PLD5: variants seen among roughly 807,000 people sequenced by gnomAD.
The protein encoded by PLD5 is inactive phospholipase D5.
Under a neutral mutation model 61.1 loss-of-function variants are expected in PLD5, and 36 were observed. The ratio of observed to expected loss-of-function variants is 0.59; its 90% confidence interval spans 0.45 to 0.78. The LOEUF is 0.78. Ranked by LOEUF, PLD5 falls within the 30% of genes least tolerant of loss-of-function variation. The pLI, the probability that PLD5 is intolerant of heterozygous loss-of-function variation, is 0.00. For missense variants in PLD5, 515 were observed against 644.4 expected (o/e 0.80, Z 2.17); for synonymous variants, 243 against 242.8 (o/e 1.00, Z -0.01).
At chr1:242,509,067 C>G (rs557224154) in intron 1 of PLD5, among the ~76,000 whole-genome samples, 24 of 151,914 alleles carry the variant, frequency 1.6e-4, no homozygotes, top group African/African-American at 5.8e-4. Flanking sequence ...GGTGACAGAG[C>G]AAGACTCCGT....
intron 1 of PLD5, among the ~76,000 whole-genome samples, chr1:242,388,906 G>C (rs1461202784): frequency 6.6e-6 from 1 of 152,110 alleles, no homozygotes; most frequent in African/African-American, 2.4e-5. Context: ...AGTGAGCTGA[G>C]ATTGCACCAT....
intron 1 of PLD5, among the ~76,000 whole-genome samples, chr1:242,510,500 T>A: frequency 6.6e-6 from 1 of 152,186 alleles, no homozygotes; most frequent in East Asian, 1.9e-4. Flanking sequence ...ATCATCTGAA[T>A]GAGAGTTTAC....
intron 5 of PLD5, among the ~76,000 whole-genome samples, chr1:242,158,442 TA>T (rs1463831617): frequency 6.6e-6 from 1 of 151,916 alleles, no homozygotes; most frequent in East Asian, 1.9e-4. Context: ...CCTGGTGGGG[TA>T]GGCACCAGAG....
chr1:242,324,409 G>T (rs1392316811), intron 2 of PLD5, among the ~76,000 whole-genome samples: 1 of 152,242 alleles, frequency 6.6e-6, no homozygotes, highest in East Asian at 1.9e-4. Context: ...CATACTTTGC[G>T]TGAAATCACC....
At chr1:242,334,831 T>C (rs1460115953) in intron 2 of PLD5, among the ~76,000 whole-genome samples, 1 of 152,188 alleles carries the variant, frequency 6.6e-6, no homozygotes, top group Non-Finnish European at 1.5e-5. Context: ...GGCAGCAAGA[T>C]GGGGCCGTAG....
chr1:242,369,713 C>T (rs1212064553), intron 1 of PLD5, among the ~76,000 whole-genome samples: 1 of 152,132 alleles, frequency 6.6e-6, no homozygotes, highest in Non-Finnish European at 1.5e-5. Flanking sequence ...CCCTGAATCT[C>T]AACTGTCTCT....
At chr1:242,379,646 T>C (rs1206637808) in intron 1 of PLD5, among the ~76,000 whole-genome samples, 1 of 152,182 alleles carries the variant, frequency 6.6e-6, no homozygotes, top group Non-Finnish European at 1.5e-5. Flanking sequence ...AGTTTTACGC[T>C]GTCTTAGATC....
At chr1:242,178,357 C>T (rs1346128269) in intron 5 of PLD5, 1 of 152,220 alleles carries the variant, frequency 6.6e-6, no homozygotes, top group Non-Finnish European at 1.5e-5. Context: ...CGTCAGTTAT[C>T]ACAACTCAGT....
intron 1 of PLD5, among the ~76,000 whole-genome samples, chr1:242,407,113 G>A (rs780619767): frequency 3.5e-4 from 53 of 152,086 alleles, no homozygotes; most frequent in Non-Finnish European, 6.6e-4. Context: ...CCCTGGGGGC[G>A]GGTCTTTCTC....
Position 242,089,893 on chromosome 1 carries a change from G to A in PLD5, c.1572C>T (p.Ala524=). The A allele has an allele frequency of 6.2e-7, 1 of 1,614,176 alleles. No individual in the cohort carries two copies. The highest frequency in any genetic ancestry group is 1.1e-5 in the South Asian group (1 of 91,080). ...FKLKPLSNKT[A]TDDTGGKDPR... ...GATCCTTTCCGCCTGTGTCGTCTGT[G>A]GCAGTTTTGTTGGAGAGGGGTTTGA... The change falls in exon 10 of 10, where the codon GCC becomes GCT. Residue 524 remains alanine, a synonymous_variant. Coordinates refer to ENST00000536534, the MANE Select transcript of PLD5 (RefSeq NM_001372062.1).
At chr1:242,524,779 C>G (rs1475613426), upstream of PLD5, 1 of 149,532 alleles carries the variant, frequency 6.7e-6, no homozygotes, top group Non-Finnish European at 1.5e-5. Context: ...CCAGCCAGCC[C>G]GCGCCTGCAG....
At position 242,230,511 on chromosome 1, in the gene PLD5, C is replaced by T. The variant is rs370178829; in HGVS notation, c.608-10396G>A. On this transcript the variant is annotated intron_variant, in intron 4 of 9. Transcript: ENST00000536534. ...GTGAACAATGAAAAAAATCATAGTT[C>T]GCCTGTTCTTGGGGGCTTTAATTCT... Among the ~76,000 whole-genome samples the T allele has an allele frequency of 3.5e-3, 532 of 152,152 alleles. 8 individuals are homozygous for T. The highest frequency in any genetic ancestry group is 0.012 in the African/African-American group (507 of 41,510).
chr1:242,288,013 T>C (rs376130396), intron 3 of PLD5, among the ~76,000 whole-genome samples: 12 of 152,212 alleles, frequency 7.9e-5, no homozygotes, highest in African/African-American at 2.9e-4. Flanking sequence ...GAATTAGAAC[T>C]GTAAACACGC....
At chr1:242,203,121 T>C (rs991691884) in intron 5 of PLD5, among the ~76,000 whole-genome samples, 6 of 152,286 alleles carry the variant, frequency 3.9e-5, no homozygotes, top group Non-Finnish European at 7.4e-5. Context: ...TGATTAACGA[T>C]GGCCAGCTTG....
At chr1:242,195,427 A>G (rs1249225636) in intron 5 of PLD5, among the ~76,000 whole-genome samples, 3 of 152,220 alleles carry the variant, frequency 2.0e-5, no homozygotes, top group African/African-American at 7.2e-5. Flanking sequence ...TTTGATGCTT[A>G]TATTTTAACT....
chr1:242,203,290 G>A (rs1272516118), intron 5 of PLD5, among the ~76,000 whole-genome samples: 1 of 152,156 alleles, frequency 6.6e-6, no homozygotes, highest in African/African-American at 2.4e-5. Flanking sequence ...CAATGAGGGC[G>A]CACCTGAAAC....
chr1:242,376,807 T>C, intron 1 of PLD5: 2 of 1,077,424 alleles, frequency 1.9e-6, no homozygotes, highest in South Asian at 1.7e-5. Flanking sequence ...AGAGAATATA[T>C]TGCAACAGCC....
intron 7 of PLD5, among the ~76,000 whole-genome samples, chr1:242,111,621 T>C (rs1661512098): frequency 6.6e-6 from 1 of 152,120 alleles, no homozygotes; most frequent in African/African-American, 2.4e-5. Context: ...TATTTACCTA[T>C]TTATTAAAGT....
Position 242,218,824 on chromosome 1 carries a change from C to A in PLD5, c.735+1164G>T, listed in dbSNP as rs979518644. 2.2e-4 allele frequency among the ~76,000 whole-genome samples: 34 copies of A among 152,300 alleles called. 2 individuals carry two copies. The highest frequency in any genetic ancestry group is 1.6e-3 in the Admixed American group (24 of 15,302). On this transcript the variant is annotated intron_variant, in intron 5 of 9. Transcript: ENST00000536534. ...GGTAAGTTACTTACCTATGTCTCAG[C>A]TTCTTCCTTTGCAAGATAAAATTAT... is the stretch of plus-strand genomic sequence containing the variant.
Sources: allele counts gnomAD v4.1 joint callset (sites outside exome capture counted in the v4.1 genomes callset), GRCh38; gene constraint gnomAD v4.1.1; transcripts MANE v1.5; gene names NCBI Gene and HGNC (gene_info 2026-07-23, HGNC 2026-07-21).